The following NKAIN2 variants were observed in gnomAD, a reference collection of about 807,000 sequenced individuals.
NKAIN2 encodes sodium/potassium transporting ATPase interacting 2.
Under a neutral mutation model 32.6 loss-of-function variants are expected in NKAIN2, and 14 were observed. The observed-to-expected ratio is 0.43, with a 90% confidence interval of 0.28 to 0.67. NKAIN2 has a LOEUF of 0.67. Ranked by LOEUF, NKAIN2 falls within the 30% of genes least tolerant of loss-of-function variation. The probability of loss-of-function intolerance (pLI) is 0.17; values close to 1 mark genes in which losing one functional copy is unlikely to be tolerated. For synonymous variants in NKAIN2, 80 were observed against 87.2 expected, an observed-to-expected ratio of 0.92 and a Z score of 0.46; for missense variants, 198 against 258.3, an observed-to-expected ratio of 0.77 and a Z score of 1.60.
At chr6:124,375,926 G>A (rs145047878) in intron 3 of NKAIN2, among the ~76,000 whole-genome samples, 2 of 152,194 alleles carry the variant, frequency 1.3e-5, no homozygotes, top group South Asian at 4.1e-4. Flanking sequence ...TTAAGCCTTT[G>A]CCCTTAGTTC....
chr6:124,027,657 G>A (rs556978908), intron 1 of NKAIN2, among the ~76,000 whole-genome samples: 117 of 152,184 alleles, frequency 7.7e-4, no homozygotes, highest in African/African-American at 2.7e-3. Context: ...CTGGACACAG[G>A]CATTATCCAT....
chr6:124,638,621 C>T (rs1048677734), intron 3 of NKAIN2, among the ~76,000 whole-genome samples: 1 of 152,006 alleles, frequency 6.6e-6, no homozygotes, highest in Non-Finnish European at 1.5e-5. Flanking sequence ...GAGGGCCGGG[C>T]GCGGTGGCTC....
intron 1 of NKAIN2, among the ~76,000 whole-genome samples, chr6:123,910,286 C>T (rs1037098928): frequency 2.6e-5 from 4 of 151,978 alleles, no homozygotes; most frequent in African/African-American, 9.7e-5. Context: ...TTTAAGTATG[C>T]CATGCAGATT....
In NKAIN2 at chr6:124,620,148, T is replaced by A. The variant is rs148160876; in HGVS notation, c.274-38038T>A. 3.8e-3 allele frequency among the ~76,000 whole-genome samples: 581 copies of A among 152,288 alleles called. 5 individuals carry two copies. Among genetic ancestry groups the A allele is most frequent in the African/African-American group, 0.013 (555 of 41,566 alleles). On this transcript the variant is annotated intron_variant, in intron 3 of 6. Coordinates refer to ENST00000368417, the MANE Select transcript of NKAIN2 (RefSeq NM_001040214.3). The stretch of plus-strand genomic sequence containing the variant: ...GTTCCATAGACCCAGATGATTTCTG[T>A]AGCTTTCTGATTTTTCTCTGGTCCA...
At chr6:124,231,247 T>C (rs1792443382) in intron 1 of NKAIN2, among the ~76,000 whole-genome samples, 1 of 152,244 alleles carries the variant, frequency 6.6e-6, no homozygotes, top group South Asian at 2.1e-4. Context: ...ATTTACCCAA[T>C]GCCTGCATCC....
intron 3 of NKAIN2, among the ~76,000 whole-genome samples, chr6:124,364,183 G>T (rs956009388): frequency 9.5e-5 from 13 of 137,418 alleles, no homozygotes; most frequent in Non-Finnish European, 1.9e-4. Context: ...AGGAACTTGA[G>T]AAATAATTGA....
intron 3 of NKAIN2, among the ~76,000 whole-genome samples, chr6:124,451,220 G>A (rs1055737919): frequency 2.6e-5 from 4 of 151,974 alleles, no homozygotes; most frequent in Admixed American, 1.3e-4. Context: ...TTTTACTTTA[G>A]GCCCATTGAT....
chr6:124,448,080 A>G (rs1008285293), intron 3 of NKAIN2, among the ~76,000 whole-genome samples: 4 of 152,128 alleles, frequency 2.6e-5, no homozygotes, highest in Admixed American at 2.6e-4. Context: ...GTCTGAGTTC[A>G]GGCTCTGCTG....
chr6:124,496,532 T>C (rs2114736749), intron 3 of NKAIN2, among the ~76,000 whole-genome samples: 1 of 152,140 alleles, frequency 6.6e-6, no homozygotes, highest in East Asian at 1.9e-4. Flanking sequence ...GTAGATCACA[T>C]GGGAGAATTT....
chr6:123,851,935 G>T (rs1267453190), intron 1 of NKAIN2, among the ~76,000 whole-genome samples: 1 of 150,854 alleles, frequency 6.6e-6, no homozygotes, highest in Non-Finnish European at 1.5e-5. Context: ...TATTTTTTTT[G>T]CTGTGCAGAG....
chr6:124,216,520 C>T (rs1354974450), intron 1 of NKAIN2, among the ~76,000 whole-genome samples: 2 of 152,182 alleles, frequency 1.3e-5, no homozygotes, highest in Non-Finnish European at 2.9e-5. Context: ...TCTTTCTGCT[C>T]TCAAACTATA....
At chr6:124,616,911 A>C (rs1281917335) in intron 3 of NKAIN2, among the ~76,000 whole-genome samples, 1 of 152,080 alleles carries the variant, frequency 6.6e-6, no homozygotes, top group Non-Finnish European at 1.5e-5. Context: ...GATTGTATAA[A>C]AGAATGACTC....
chr6:124,280,614 A>G (rs1212677961), intron 1 of NKAIN2, among the ~76,000 whole-genome samples: 1 of 152,188 alleles, frequency 6.6e-6, no homozygotes, highest in Non-Finnish European at 1.5e-5. Flanking sequence ...GGAGAAAAGC[A>G]TAAAGCCCCA....
chr6:124,774,619 A>T (rs7753150), intron 4 of NKAIN2, among the ~76,000 whole-genome samples: 3,187 of 151,930 alleles, frequency 0.021, 97 homozygotes, highest in African/African-American at 0.071. Flanking sequence ...ACTTTGGGAG[A>T]CTGAGGCAGG....
At chr6:124,033,972 A>C (rs1423803001) in intron 1 of NKAIN2, among the ~76,000 whole-genome samples, 1 of 152,148 alleles carries the variant, frequency 6.6e-6, no homozygotes, top group Non-Finnish European at 1.5e-5. Context: ...TCACAATTAA[A>C]GTTTGAAATT....
chr6:123,974,576 G>A (rs1251104013), intron 1 of NKAIN2, among the ~76,000 whole-genome samples: 1 of 152,122 alleles, frequency 6.6e-6, no homozygotes, highest in Non-Finnish European at 1.5e-5. Flanking sequence ...CAAAATGTGA[G>A]CCTGCTGTAT....
At chr6:124,432,519 G>A (rs562120452) in intron 3 of NKAIN2, among the ~76,000 whole-genome samples, 24 of 152,168 alleles carry the variant, frequency 1.6e-4, no homozygotes, top group African/African-American at 5.3e-4. Context: ...GAGGAGGGAG[G>A]ATCACTTGAG....
rs376345555 is a variant in NKAIN2 at position 124,805,562 on chromosome 6, G to C, written c.536-12825G>C. Among the ~76,000 whole-genome samples, 359 of 152,238 alleles carry C rather than the reference G, an allele frequency of 2.4e-3. 2 individuals carry two copies. The highest frequency in any genetic ancestry group is 0.01 in the South Asian group (50 of 4,828). ...GGGGAAAAAACAGAGCAGAAAAACT[G>C]GAAACTCTAAAAAGCAGAGCATCTC... On this transcript the variant is annotated intron_variant, in intron 5 of 6. Transcript: ENST00000368417.
intron 2 of NKAIN2, among the ~76,000 whole-genome samples, chr6:124,299,500 G>A (rs903109396): frequency 5.9e-5 from 9 of 152,052 alleles, no homozygotes; most frequent in Non-Finnish European, 8.8e-5. Flanking sequence ...ACCAAATGTA[G>A]CCTTTCCTTG....
Sources: allele counts gnomAD v4.1 joint callset (sites outside exome capture counted in the v4.1 genomes callset), GRCh38; gene constraint gnomAD v4.1.1; transcripts MANE v1.5; gene names NCBI Gene and HGNC (gene_info 2026-07-23, HGNC 2026-07-21).